The following PHACTR3 variants were observed in gnomAD, a reference collection of about 807,000 sequenced individuals.
PHACTR3 encodes the protein phosphatase and actin regulator 3, also known as protein phosphatase 1, regulatory subunit 123.
In PHACTR3, 16 loss-of-function variants were observed where a neutral mutation model predicts 66.8. The ratio of observed to expected loss-of-function variants is 0.24; its 90% CI spans 0.16 to 0.36. PHACTR3 has a LOEUF of 0.36. Among genes scored for constraint, PHACTR3 ranks in the 10% least tolerant of loss-of-function variants. The pLI is 1.00. For missense variants in PHACTR3, 647 were observed against 719.9 expected (o/e 0.90, Z 1.16); for synonymous variants, 323 against 292.1 (o/e 1.11, Z -1.08).
At chr20:59,708,413 C>T (rs1007387383) in intron 1 of PHACTR3, among the ~76,000 whole-genome samples, 2 of 152,164 alleles carry the variant, frequency 1.3e-5, no homozygotes, top group Non-Finnish European at 2.9e-5. Context: ...GAAGGGGGAA[C>T]ATGGAGAACC....
chr20:59,811,520 G>C (rs555670555), intron 8 of PHACTR3, among the ~76,000 whole-genome samples: 1 of 152,168 alleles, frequency 6.6e-6, no homozygotes, highest in East Asian at 1.9e-4. Flanking sequence ...TTAGCCAGGC[G>C]TGGTGGCAGG....
chr20:59,773,995 G>C (rs958452850), intron 6 of PHACTR3, among the ~76,000 whole-genome samples: 2 of 152,204 alleles, frequency 1.3e-5, no homozygotes, highest in Admixed American at 6.5e-5. Context: ...CCTGAACATT[G>C]ATTGCATGTA....
intron 7 of PHACTR3, among the ~76,000 whole-genome samples, chr20:59,792,849 G>A (rs2041143116): frequency 6.6e-6 from 1 of 152,062 alleles, no homozygotes; most frequent in Non-Finnish European, 1.5e-5. Flanking sequence ...GTACCATGCT[G>A]TTTTGGTTAC....
intron 1 of PHACTR3, among the ~76,000 whole-genome samples, chr20:59,701,593 G>A (rs1333443041): frequency 6.6e-6 from 1 of 152,196 alleles, no homozygotes; most frequent in Non-Finnish European, 1.5e-5. Flanking sequence ...TTTTAGAGCT[G>A]TTTTAAATTT....
At chr20:59,719,918 G>A (rs73144826) in intron 1 of PHACTR3, among the ~76,000 whole-genome samples, 8 of 152,296 alleles carry the variant, frequency 5.3e-5, no homozygotes, top group Non-Finnish European at 1.2e-4. Context: ...TCCTCATTCT[G>A]AAGCCCAGGC....
In PHACTR3 at chr20:59,733,164, A is replaced by G. The variant is rs2038829596; in HGVS notation, c.119-9943A>G. On this transcript the variant is annotated intron_variant, in intron 1 of 12. Coordinates refer to ENST00000371015, the MANE Select transcript of PHACTR3 (RefSeq NM_080672.5). ...ATTATAAGCAGTGTGACTATAAGAC[A>G]CTTGTCAAATGGTCTCACTTTGTCC... Among the ~76,000 whole-genome samples, 3 of 150,206 alleles carry G rather than the reference A, an allele frequency of 2.0e-5. 1 individual carries two copies.
intron 7 of PHACTR3, among the ~76,000 whole-genome samples, chr20:59,781,833 G>T (rs989233606): frequency 6.6e-6 from 1 of 152,140 alleles, no homozygotes; most frequent in Admixed American, 6.5e-5. Context: ...GCACAGGGGG[G>T]TTCTAGTGCT....
intron 1 of PHACTR3, among the ~76,000 whole-genome samples, chr20:59,729,255 C>G (rs924627368): frequency 2.6e-5 from 4 of 152,056 alleles, no homozygotes; most frequent in Non-Finnish European, 4.4e-5. Flanking sequence ...CAGGGCAGGG[C>G]GGATGTAGCA....
intron 1 of PHACTR3, among the ~76,000 whole-genome samples, chr20:59,581,571 A>C (rs1600859011): frequency 6.6e-6 from 1 of 152,218 alleles, no homozygotes; most frequent in East Asian, 1.9e-4. Context: ...AAGGGAAAGG[A>C]GTGATCCCCA....
intron 1 of PHACTR3, among the ~76,000 whole-genome samples, chr20:59,627,344 C>T (rs543855674): frequency 6.6e-6 from 1 of 152,274 alleles, no homozygotes; most frequent in Admixed American, 6.5e-5. Context: ...GCCTGCAGCT[C>T]TGCTTTTAGG....
intron 1 of PHACTR3, among the ~76,000 whole-genome samples, chr20:59,723,571 T>A (rs560513595): frequency 1.3e-5 from 2 of 152,238 alleles, no homozygotes; most frequent in South Asian, 4.2e-4. Flanking sequence ...CATATTCACG[T>A]GCACATTTTT....
chr20:59,840,963 G>A (rs1375225195), intron 10 of PHACTR3, among the ~76,000 whole-genome samples: 1 of 152,208 alleles, frequency 6.6e-6, no homozygotes, highest in Non-Finnish European at 1.5e-5. Flanking sequence ...CTAAATTCAA[G>A]TGTTCTGGAT....
chr20:59,816,451 C>T (rs2041890209), intron 8 of PHACTR3, among the ~76,000 whole-genome samples: 1 of 152,158 alleles, frequency 6.6e-6, no homozygotes, highest in Admixed American at 6.5e-5. Flanking sequence ...CTCCACTTTG[C>T]ATGTGAGGAA....
At chr20:59,583,928 C>G (rs1056054648) in intron 1 of PHACTR3, among the ~76,000 whole-genome samples, 1 of 152,204 alleles carries the variant, frequency 6.6e-6, no homozygotes, top group Non-Finnish European at 1.5e-5. Flanking sequence ...ACGGTTCACG[C>G]GTGGACATGT....
Position 59,605,049 on chromosome 20 carries a change from T to C in PHACTR3, c.35T>C (p.Val12Ala). ...TCGGAGGACGGGAGCGGCTGCCTCG[T>C]GTCGCGGGGCCGCTCGCAGAGTGAC... ...AASEDGSGCLVSRGRSQSDPS... is the reference protein window; with the variant it reads ...AASEDGSGCLASRGRSQSDPS... Residue 12 changes from valine (V) to alanine (A), a missense_variant, in exon 1 of 13, where the codon GTG becomes GCG. Transcript: ENST00000371015. The C allele has an allele frequency of 7.2e-7, 1 of 1,382,320 alleles. No homozygotes were observed. Among genetic ancestry groups the C allele is most frequent in the Non-Finnish European group, 9.4e-7 (1 of 1,059,782 alleles). The allele number at this position is 1,382,320 out of a possible 1,614,324, so 85.6% of individuals were successfully genotyped here. A position where few individuals can be genotyped will look rare whatever the true frequency, so the allele number is the denominator to read the frequency against.
At chr20:59,721,121 C>G (rs189659414) in intron 1 of PHACTR3, 24 of 152,338 alleles carry the variant, frequency 1.6e-4, no homozygotes, top group African/African-American at 5.8e-4. Context: ...GTGGCAGGTA[C>G]TAGTATTATC....
intron 9 of PHACTR3, among the ~76,000 whole-genome samples, chr20:59,837,985 A>T (rs1265310220): frequency 1.3e-5 from 2 of 152,206 alleles, no homozygotes; most frequent in African/African-American, 4.8e-5. Context: ...AGCCTTAGAA[A>T]TAGAACTATC....
At chr20:59,843,313 A>G (rs1345541020) in intron 11 of PHACTR3, 1 of 152,096 alleles carries the variant, frequency 6.6e-6, no homozygotes, top group East Asian at 1.9e-4. Flanking sequence ...CTATCAAAAT[A>G]CCAATGTCAT....
Position 59,622,141 on chromosome 20 carries a change from C to T in PHACTR3, c.118+17009C>T, listed in dbSNP as rs189567056. Among the ~76,000 whole-genome samples, 22 of 150,098 alleles carry T rather than the reference C, an allele frequency of 1.5e-4. No individual in the cohort carries two copies. The East Asian group carries it at 4.5e-3, about 31-fold the overall frequency. On this transcript the variant is annotated intron_variant, in intron 1 of 12. Transcript: ENST00000371015. ...GCAGGTGTGCACGTGTGGGTACTTC[C>T]CCTGATTTTTTTTTTTTTGTGACAT...
Sources: gnomAD v4.1 joint callset for allele counts (sites outside exome capture counted in the v4.1 genomes callset) on GRCh38, gnomAD v4.1.1 for gene constraint, MANE v1.5 for transcripts, NCBI Gene and HGNC (gene_info 2026-07-23, HGNC 2026-07-21) for gene names.